Variants in LSM14B observed in about 807,000 individuals in gnomAD.
LSM14B encodes LSM family member 14B, also known as protein LSM14 homolog B.
A neutral mutation model predicts 42.1 loss-of-function variants in LSM14B; 8 were observed. The ratio of observed to expected loss-of-function variants is 0.19; its 90% confidence interval spans 0.11 to 0.34. LSM14B has a LOEUF of 0.34. Ranked by LOEUF, LSM14B falls within the 10% of genes least tolerant of loss-of-function variation. The probability of loss-of-function intolerance (pLI) is 1.00; values close to 1 mark genes in which losing one functional copy is unlikely to be tolerated. For missense variants in LSM14B, 396 were observed against 513.1 expected, an observed-to-expected ratio of 0.77 and a Z score of 2.21; for synonymous variants, 219 against 209.7, an observed-to-expected ratio of 1.04 and a Z score of -0.38.
intron 3 of LSM14B, chr20:62,129,040 G>T: frequency 7.7e-7 from 1 of 1,291,256 alleles, no homozygotes; most frequent in Non-Finnish European, 1.0e-6. Flanking sequence ...GAGGTGGGTG[G>T]TGCTTCCCAT....
chr20:62,124,429 T>C (rs974403317), intron 1 of LSM14B, among the ~76,000 whole-genome samples, 188 bp from the exon 2 acceptor site: 8 of 152,242 alleles, frequency 5.3e-5, no homozygotes, highest in Admixed American at 1.3e-4. Context: ...GCTTCACCAA[T>C]TGGTGCATTA....
At position 62,122,829 on chromosome 20, in the gene LSM14B, C is replaced by T; in HGVS notation, c.127+36C>T. The T allele has an allele frequency of 6.9e-7, 1 of 1,458,892 alleles. No individual in the cohort carries two copies. The highest frequency in any genetic ancestry group is 1.3e-5 in the South Asian group (1 of 78,528). 90.4% of individuals were successfully genotyped at this position (1,458,892 alleles called of 1,614,324 possible). ...CCGCCCGCCCGAGCCCGCTGACCCC[C>T]GTCCGCCAACAGCCCCGGCCTGCGG... On this transcript the variant is annotated intron_variant, in intron 1 of 8. Transcript: ENST00000279068. The surrounding 1 kb of genome is among the most constrained non-coding windows in gnomAD (Gnocchi z 4.6).
chr20:62,134,499 G>C lies in LSM14B; in HGVS notation c.*351G>C. 1 of 319,906 alleles carries C rather than the reference G, an allele frequency of 3.1e-6. No individual in the cohort carries two copies. The highest frequency in any genetic ancestry group is 6.1e-6 in the Non-Finnish European group (1 of 164,778). 19.8% of individuals were successfully genotyped at this position (319,906 alleles called of 1,614,324 possible). A position where few individuals can be genotyped will look rare whatever the true frequency, so the allele number is the denominator to read the frequency against. ...CTTTTTTTTTTTTTTTTAATGACAA[G>C]CTTTGACTTTTAAAAGTGGAACCAA... On this transcript the variant is annotated 3_prime_UTR_variant, in exon 9 of 9. Transcript: ENST00000279068.
intron 3 of LSM14B, chr20:62,128,943 G>C: frequency 7.7e-7 from 1 of 1,303,900 alleles, no homozygotes; most frequent in South Asian, 1.2e-5. Flanking sequence ...TTCTGTTTCA[G>C]ATCTCTGTTC....
At chr20:62,127,423 C>T (rs768816069) in intron 3 of LSM14B, among the ~76,000 whole-genome samples, 16 of 152,232 alleles carry the variant, frequency 1.1e-4, no homozygotes, top group South Asian at 4.1e-4. Flanking sequence ...GTGTGACAGG[C>T]GGCCTTCCCA....
Position 62,122,922 on chromosome 20 carries a change from C to A in LSM14B, c.127+129C>A. On this transcript the variant is annotated intron_variant, in intron 1 of 8. Transcript: ENST00000279068. This position sits in a 1 kb window ranked among gnomAD's most constrained non-coding sequence, Gnocchi z 4.6. The stretch of plus-strand genomic sequence containing the variant: ...CCCCGCCCAGAACCCACCCAGGGCA[C>A]ACCCGGCCCGAGATCCCCTGCCCGC... 2 of 846,264 alleles carry A rather than the reference C, an allele frequency of 2.4e-6. No individual in the cohort carries two copies. Among genetic ancestry groups the A allele is most frequent in the Non-Finnish European group, 3.1e-6 (2 of 648,942 alleles). 52.4% of individuals were successfully genotyped at this position (846,264 alleles called of 1,614,324 possible). A position where few individuals can be genotyped will look rare whatever the true frequency, so the allele number is the denominator to read the frequency against.
intron 1 of LSM14B, 68 bp from the exon 2 acceptor site, chr20:62,124,549 G>A (rs2056527865): frequency 6.5e-7 from 1 of 1,537,340 alleles, no homozygotes. Flanking sequence ...AGGCTTGGGA[G>A]CAGTGGTGTC....
intron 6 of LSM14B, 115 bp from the exon 7 acceptor site, chr20:62,131,241 T>C: frequency 1.7e-6 from 2 of 1,175,862 alleles, no homozygotes; most frequent in Non-Finnish European, 2.4e-6. Flanking sequence ...GCACAAGGCA[T>C]AGTTGATGTC....
Position 62,126,369 on chromosome 20 carries a change from G to A in LSM14B, c.357G>A (p.Gly119=), listed in dbSNP as rs1451026462. The A allele has an allele frequency of 2.5e-6, 4 of 1,613,076 alleles. No homozygotes were observed. Among genetic ancestry groups the A allele is most frequent in the East Asian group, 2.2e-5 (1 of 44,900 alleles). Residue 119 remains glycine (G), a synonymous_variant, in exon 3 of 9, where the codon GGG becomes GGA. Transcript: ENST00000279068. ...QPHVPYSPFR[G]MAPYGPLAAS... ...ACGTGCCTTACAGCCCTTTCCGAGG[G>A]ATGGCGCCCTACGGCCCGCTGGCGG...
At chr20:62,124,952 C>T (rs1373452867) in intron 2 of LSM14B, among the ~76,000 whole-genome samples, 172 bp downstream of exon 2, 1 of 151,838 alleles carries the variant, frequency 6.6e-6, no homozygotes, top group Non-Finnish European at 1.5e-5. Context: ...GTGATCTCAG[C>T]TCATTGCAAC....
Position 62,130,539 on chromosome 20 carries a change from G to T in LSM14B, c.683G>T (p.Arg228Leu), listed in dbSNP as rs1002806699. The change falls in exon 6 of 9, where the codon CGA (arginine) becomes CTA (leucine). Residue 228 changes from arginine to leucine, a missense_variant. Physicochemically the swap from Arg to Leu is moderately radical, Grantham distance 102. This residue lies in a region of LSM14B where 274 missense variants were observed against 335.8 expected (regional missense o/e 0.82). Coordinates refer to ENST00000279068, the MANE Select transcript of LSM14B (RefSeq NM_144703.3). The surrounding 1 kb of genome is among the most constrained non-coding windows in gnomAD (Gnocchi z 4.1). ...RPQRRRSGNR[R>L]TRNRSRGQNR... ...TCCTTTGTCCTCACAGGAAACAGGC[G>T]AACAAGGAATCGCTCCAGAGGGCAA... is the stretch of plus-strand genomic sequence containing the variant. 6.2e-7 allele frequency: 1 copy of T among 1,613,510 alleles called. No individual in the cohort carries two copies. Among genetic ancestry groups the T allele is most frequent in the Non-Finnish European group, 8.5e-7 (1 of 1,179,720 alleles).
rs774012878 is a variant in LSM14B, at chr20:62,130,580, G to A, written c.724G>A (p.Val242Ile). 19 of 1,613,800 alleles carry A rather than the reference G, an allele frequency of 1.2e-5. No individual in the cohort carries two copies. The highest frequency in any genetic ancestry group is 8.0e-5 in the African/African-American group (6 of 74,928). ...RSRGQNRPTN[V>I]KENTIKFEGD... ...CAGAGGGCAAAACCGTCCAACTAACGTTAAGGAAAACACAATCAAATTTGA... is the reference window on the plus strand; with the variant it reads ...CAGAGGGCAAAACCGTCCAACTAACATTAAGGAAAACACAATCAAATTTGA... The change falls in exon 6 of 9, where the codon GTT becomes ATT. Residue 242 changes from valine to isoleucine, a missense_variant. Physicochemically the swap from Val to Ile is conservative, Grantham distance 29. Around this residue, in one of 3 missense-constraint regions of LSM14B, gnomAD observed 274 missense variants for 335.8 expected, o/e 0.82. Transcript: ENST00000279068. The surrounding 1 kb of genome is among the most constrained non-coding windows in gnomAD (Gnocchi z 4.1).
At position 62,134,930 on chromosome 20, in the gene LSM14B, C is replaced by T. The variant is rs1194505087; in HGVS notation, c.*782C>T. 6.6e-6 allele frequency: 1 copy of T among 152,578 alleles called. No homozygotes were observed. Among genetic ancestry groups the T allele is most frequent in the African/African-American group, 2.4e-5 (1 of 41,452 alleles). 9.5% of individuals were successfully genotyped at this position (152,578 alleles called of 1,614,324 possible). On this transcript the variant is annotated 3_prime_UTR_variant, in exon 9 of 9. Transcript: ENST00000279068. ...TTGGCCCTTCTGTGGTCCCTGCCAG[C>T]CTCTGACCTGGGCCGGTCAGTCATT...
chr20:62,129,517 A>C (rs1361232250), intron 3 of LSM14B, among the ~76,000 whole-genome samples: 1 of 152,082 alleles, frequency 6.6e-6, no homozygotes, highest in Non-Finnish European at 1.5e-5. Flanking sequence ...GAGGTTCCCT[A>C]ACTTGGGAAG....
In LSM14B at chr20:62,134,194, G is replaced by C. The variant is rs2056846462; in HGVS notation, c.*46G>C. 3.2e-5 allele frequency: 15 copies of C among 470,190 alleles called. 1 individual carries two copies. Among genetic ancestry groups the C allele is most frequent in the South Asian group, 2.3e-4 (15 of 64,280 alleles). 29.1% of individuals were successfully genotyped at this position (470,190 alleles called of 1,614,324 possible). A position where few individuals can be genotyped will look rare whatever the true frequency, so the allele number is the denominator to read the frequency against. ...ACTGAAGTGGCGCATAACTGACGCT[G>C]TGTGTGTCAGGACGCGAGGAAAACG... On this transcript the variant is annotated 3_prime_UTR_variant, in exon 9 of 9. Coordinates refer to ENST00000279068, the MANE Select transcript of LSM14B (RefSeq NM_144703.3).
At chr20:62,129,685 C>T in intron 3 of LSM14B, 100 bp from the exon 4 acceptor site, 3 of 1,308,078 alleles carry the variant, frequency 2.3e-6, no homozygotes, top group Non-Finnish European at 3.1e-6. Context: ...CAGTTGCCCT[C>T]CTTTCCTTCC....
At chr20:62,124,560 A>C in intron 1 of LSM14B, 57 bp from the exon 2 acceptor site, 1 of 1,573,844 alleles carries the variant, frequency 6.4e-7, no homozygotes, top group Non-Finnish European at 8.6e-7. Context: ...CAGTGGTGTC[A>C]GGGTTGATTG....
rs554641668 is a variant in LSM14B at position 62,127,688 on chromosome 20, G to T, written c.427+1249G>T. 3 of 1,550,208 alleles carry T rather than the reference G, an allele frequency of 1.9e-6. No individual in the cohort carries two copies. In the East Asian group the frequency reaches 7.3e-5, roughly 38 times the overall value. ...TTGACTTGTCCTCAGAGCCACAGCAGCTCACTGCCAAGGGTAACAGCAGTT... is the reference window on the plus strand; with the variant it reads ...TTGACTTGTCCTCAGAGCCACAGCATCTCACTGCCAAGGGTAACAGCAGTT... On this transcript the variant is annotated intron_variant, in intron 3 of 8. Coordinates refer to ENST00000279068, the MANE Select transcript of LSM14B (RefSeq NM_144703.3).
At position 62,130,635 on chromosome 20, in the gene LSM14B, C is replaced by T; in HGVS notation, c.779C>T (p.Ala260Val). The change falls in exon 6 of 9, where the codon GCC becomes GTC. Residue 260 changes from alanine to valine, a missense_variant. Ala to Val is a moderately conservative substitution (Grantham distance 64). Transcript: ENST00000279068. The surrounding 1 kb of genome is among the most constrained non-coding windows in gnomAD (Gnocchi z 4.1). ...EGDFDFESAN[A>V]QFNREELDKE... ...GACTTTGATTTCGAGAGTGCAAATG[C>T]CCAGTTCAACCGAGAGGAGCTTGAC... is the stretch of plus-strand genomic sequence containing the variant. The T allele has an allele frequency of 6.2e-7, 1 of 1,613,934 alleles. No homozygotes were observed. The highest frequency in any genetic ancestry group is 8.5e-7 in the Non-Finnish European group (1 of 1,179,878).
Sources: allele counts gnomAD v4.1 joint callset (sites outside exome capture counted in the v4.1 genomes callset), GRCh38; gene constraint gnomAD v4.1.1; regional missense constraint gnomAD v4.1.1; non-coding constraint Gnocchi (gnomAD v3.1); transcripts MANE v1.5; gene names NCBI Gene and HGNC (gene_info 2026-07-23, HGNC 2026-07-21).